Variants in EIF2S2 observed in about 807,000 individuals in gnomAD.
The protein encoded by EIF2S2 is eukaryotic translation initiation factor 2 subunit beta, also known as eukaryotic translation initiation factor 2 subunit 2.
In EIF2S2, 4 loss-of-function variants were observed where a neutral mutation model predicts 44.0. That is an observed-to-expected ratio of 0.09 (90% confidence interval 0.04 to 0.21). The LOEUF is 0.21. EIF2S2 is among the 10% of genes least tolerant of loss of function. The pLI is 1.00. For synonymous variants in EIF2S2, 108 were observed against 128.3 expected (o/e 0.84, Z 1.07); for missense variants, 154 against 392.0 (o/e 0.39, Z 5.13).
intron 8 of EIF2S2, 46 bp from the exon 9 acceptor site, chr20:34,089,951 G>T (rs1305484924): frequency 6.2e-7 from 1 of 1,602,304 alleles, no homozygotes; most frequent in African/African-American, 1.3e-5. Context: ...CTGCAGTGAG[G>T]TAGAGAAGTT....
chr20:34,107,186 AAAAG>A (rs1358274343), intron 1 of EIF2S2, among the ~76,000 whole-genome samples: 2 of 152,186 alleles, frequency 1.3e-5, no homozygotes, highest in Admixed American at 6.5e-5. Flanking sequence ...TCGAAAAAAA[AAAAG>A]AAAGTGCAGG....
Position 34,112,209 on chromosome 20 carries a change from C to T in EIF2S2, c.-99G>A. 1.5e-6 allele frequency: 2 copies of T among 1,301,412 alleles called. No individual in the cohort carries two copies. Among genetic ancestry groups the T allele is most frequent in the Non-Finnish European group, 2.1e-6 (2 of 971,342 alleles). 80.6% of individuals were successfully genotyped at this position (1,301,412 alleles called of 1,614,324 possible). On this transcript the variant is annotated 5_prime_UTR_variant, in exon 1 of 9. Coordinates refer to ENST00000374980, the MANE Select transcript of EIF2S2 (RefSeq NM_003908.5). ...CCCCTGCCGATACCTCTCCCACCAC[C>T]GCACTAGGCTCTTGCATCAGCGAAA...
Position 34,089,596 on chromosome 20 carries a change from T to A in EIF2S2, c.*134A>T. ...TTGAGCATCAGCGTCTTGCAAGGAC[T>A]TCAGACCAACCACTCGCCAAAAATC... On this transcript the variant is annotated 3_prime_UTR_variant, in exon 9 of 9. Coordinates refer to ENST00000374980, the MANE Select transcript of EIF2S2 (RefSeq NM_003908.5). The A allele has an allele frequency of 1.1e-6, 1 of 950,298 alleles. No homozygotes were observed. Among genetic ancestry groups the A allele is most frequent in the Non-Finnish European group, 1.5e-6 (1 of 658,072 alleles). 58.9% of individuals were successfully genotyped at this position (950,298 alleles called of 1,614,324 possible).
rs556326465 is a variant in EIF2S2, at chr20:34,096,200, C to A, written c.683+457G>T. Among the ~76,000 whole-genome samples the A allele has an allele frequency of 3.9e-5, 6 of 151,994 alleles. No individual in the cohort carries two copies. The South Asian group carries it at 1.2e-3, about 32-fold the overall frequency. On this transcript the variant is annotated intron_variant, in intron 6 of 8. Coordinates refer to ENST00000374980, the MANE Select transcript of EIF2S2 (RefSeq NM_003908.5). The stretch of plus-strand genomic sequence containing the variant: ...ACTACATCTAGTTAGGATCCATCCT[C>A]AGTGGGTCAGCATGAGTTGATTTCT...
rs756270551 is a variant in EIF2S2, at chr20:34,088,952, G to C, written c.*778C>G. On this transcript the variant is annotated 3_prime_UTR_variant, in exon 9 of 9. Coordinates refer to ENST00000374980, the MANE Select transcript of EIF2S2 (RefSeq NM_003908.5). Reference sequence around the variant, plus strand: ...TCCTCTTGGAGGAGTTTCCTGAACCGCACACACATCGCTTCCTCACCAAGA... The same window carrying C: ...TCCTCTTGGAGGAGTTTCCTGAACCCCACACACATCGCTTCCTCACCAAGA... 1 of 152,542 alleles carries C rather than the reference G, an allele frequency of 6.6e-6. No homozygotes were observed. The highest frequency in any genetic ancestry group is 1.5e-5 in the Non-Finnish European group (1 of 68,024). The allele number at this position is 152,542 out of a possible 1,614,324, so 9.4% of individuals were successfully genotyped here. A position where few individuals can be genotyped will look rare whatever the true frequency, so the allele number is the denominator to read the frequency against.
rs151116845 is a variant in EIF2S2, at chr20:34,094,957, G to C, written c.684-1226C>G. Among the ~76,000 whole-genome samples the C allele has an allele frequency of 9.1e-3, 1,392 of 152,306 alleles. 23 individuals carry two copies. Among genetic ancestry groups the C allele is most frequent in the African/African-American group, 0.032 (1,338 of 41,552 alleles). ...AGTATGAACTGGCACGACCTTGCTA[G>C]AAAGCAATGTGCTAATGTTTGCCAT... On this transcript the variant is annotated intron_variant, in intron 6 of 8. Coordinates refer to ENST00000374980, the MANE Select transcript of EIF2S2 (RefSeq NM_003908.5).
chr20:34,090,256 G>GC (rs1180363630), intron 8 of EIF2S2, among the ~76,000 whole-genome samples: 1 of 152,236 alleles, frequency 6.6e-6, no homozygotes, highest in Non-Finnish European at 1.5e-5. Context: ...TGAATCACAG[G>GC]CAAGTTTCTC....
At chr20:34,098,672 A>T (rs201566224) in intron 3 of EIF2S2, 39 bp from the exon 4 acceptor site, 570 of 1,590,116 alleles carry the variant, frequency 3.6e-4, no homozygotes, top group Non-Finnish European at 4.6e-4. Flanking sequence ...TGATACTGGG[A>T]CTATTCTTTT....
chr20:34,103,662 A>G, intron 2 of EIF2S2, 97 bp from the exon 3 acceptor site: 1 of 1,386,076 alleles, frequency 7.2e-7, no homozygotes, highest in Non-Finnish European at 9.4e-7. Context: ...AGTCACCAGA[A>G]AAGACTGACT....
rs1318546564 is a variant in EIF2S2, at chr20:34,088,712, T to TCCCA, written c.*1014_*1017dup. 1.3e-5 allele frequency: 2 copies of TCCCA among 152,442 alleles called. No individual in the cohort carries two copies. The highest frequency in any genetic ancestry group is 2.9e-5 in the Non-Finnish European group (2 of 68,062). The allele number at this position is 152,442 out of a possible 1,614,324, so 9.4% of individuals were successfully genotyped here. A position where few individuals can be genotyped will look rare whatever the true frequency, so the allele number is the denominator to read the frequency against. On this transcript the variant is annotated 3_prime_UTR_variant, in exon 9 of 9. Transcript: ENST00000374980. ...AGCACCGACACAGAAGATGGCCTTC[T>TCCCA]CCCATGTGCCAGCGGAGAATCCCCT... is the stretch of plus-strand genomic sequence containing the variant.
At chr20:34,111,021 A>G (rs2034405993) in intron 1 of EIF2S2, among the ~76,000 whole-genome samples, 1 of 152,238 alleles carries the variant, frequency 6.6e-6, no homozygotes, top group Non-Finnish European at 1.5e-5. Flanking sequence ...GGGCACAACA[A>G]TAGACCTATT....
intron 3 of EIF2S2, 136 bp from the exon 4 acceptor site, chr20:34,098,769 C>A: frequency 9.5e-7 from 1 of 1,051,104 alleles, no homozygotes. Flanking sequence ...CTCAAGAGAT[C>A]CTCCCGCCCT....
chr20:34,099,579 T>C (rs912579680), intron 3 of EIF2S2, among the ~76,000 whole-genome samples: 3 of 152,164 alleles, frequency 2.0e-5, no homozygotes, highest in Non-Finnish European at 2.9e-5. Context: ...AGACACACAC[T>C]ATCCAGAGTT....
At chr20:34,093,205 T>C (rs2034188328) in intron 7 of EIF2S2, among the ~76,000 whole-genome samples, 1 of 152,190 alleles carries the variant, frequency 6.6e-6, no homozygotes, top group African/African-American at 2.4e-5. Context: ...GCTCAGTGCC[T>C]TCAAAAGGTG....
rs781115965 is a variant in EIF2S2, at chr20:34,089,348, G to A, written c.*382C>T. On this transcript the variant is annotated 3_prime_UTR_variant, in exon 9 of 9. Coordinates refer to ENST00000374980, the MANE Select transcript of EIF2S2 (RefSeq NM_003908.5). ...TTGTTCAGTTTCTCAGTCAGAGCCC[G>A]GCACACACTGTTTTATATGGTTGGT... is the stretch of plus-strand genomic sequence containing the variant. 6.4e-5 allele frequency: 11 copies of A among 171,702 alleles called. No homozygotes were observed. The highest frequency in any genetic ancestry group is 1.9e-4 in the Admixed American group (3 of 15,894). The allele number at this position is 171,702 out of a possible 1,614,324, so 10.6% of individuals were successfully genotyped here. A position where few individuals can be genotyped will look rare whatever the true frequency, so the allele number is the denominator to read the frequency against.
chr20:34,105,350 C>G lies in EIF2S2; in HGVS notation c.193+18G>C. On this transcript the variant is annotated intron_variant, in intron 2 of 8. Transcript: ENST00000374980. ...GGGCTTCTATGACAACAGTAACTCT[C>G]TCACATCAACCACGCACCTTTTTTC... 6.2e-7 allele frequency: 1 copy of G among 1,607,130 alleles called. No individual in the cohort carries two copies. The highest frequency in any genetic ancestry group is 8.5e-7 in the Non-Finnish European group (1 of 1,177,944).
intron 8 of EIF2S2, 71 bp from the exon 9 acceptor site, chr20:34,089,976 T>A: frequency 6.5e-7 from 1 of 1,535,010 alleles, no homozygotes; most frequent in East Asian, 2.3e-5. Flanking sequence ...CCTTCTTAAA[T>A]ACATCTACAA....
At chr20:34,112,017 C>T (rs2034419815) in intron 1 of EIF2S2, 79 bp downstream of exon 1, 2 of 1,316,868 alleles carry the variant, frequency 1.5e-6, no homozygotes, top group Non-Finnish European at 2.0e-6. Context: ...TGCTAGGCCG[C>T]AGGCCCGTTC....
chr20:34,089,262 T>C lies in EIF2S2; in HGVS notation c.*468A>G. On this transcript the variant is annotated 3_prime_UTR_variant, in exon 9 of 9. Transcript: ENST00000374980. ...CTCGCGTGGGAGGCCGTGTCTACTTTAACTATGTATCTCAAGAGAAGCAGA... is the reference window on the plus strand; with the variant it reads ...CTCGCGTGGGAGGCCGTGTCTACTTCAACTATGTATCTCAAGAGAAGCAGA... 1 of 154,182 alleles carries C rather than the reference T, an allele frequency of 6.5e-6. No homozygotes were observed. The highest frequency in any genetic ancestry group is 2.0e-4 in the South Asian group (1 of 4,896). 9.6% of individuals were successfully genotyped at this position (154,182 alleles called of 1,614,324 possible). A position where few individuals can be genotyped will look rare whatever the true frequency, so the allele number is the denominator to read the frequency against.
Sources: gnomAD v4.1 joint callset for allele counts (sites outside exome capture counted in the v4.1 genomes callset) on GRCh38, gnomAD v4.1.1 for gene constraint, MANE v1.5 for transcripts, NCBI Gene and HGNC (gene_info 2026-07-23, HGNC 2026-07-21) for gene names.